SLC24A3: variants seen among roughly 807,000 people sequenced by gnomAD.
SLC24A3 encodes the protein sodium/potassium/calcium exchanger 3.
A neutral mutation model predicts 75.8 loss-of-function variants in SLC24A3; 28 were observed. The ratio of observed to expected loss-of-function variants is 0.37; its 90% CI spans 0.27 to 0.51. The LOEUF (loss-of-function observed/expected upper bound fraction) is 0.51, where lower values mean the gene tolerates loss of function less well. Among genes scored for constraint, SLC24A3 ranks in the 20% least tolerant of loss-of-function variants. The pLI is 0.94. For synonymous variants in SLC24A3, 372 were observed against 334.1 expected, an observed-to-expected ratio of 1.11 and a Z score of -1.24; for missense variants, 663 against 847.8, an observed-to-expected ratio of 0.78 and a Z score of 2.71.
Position 19,658,412 on chromosome 20 carries a change from A to C in SLC24A3, c.687+4276A>C, listed in dbSNP as rs551392605. Among the ~76,000 whole-genome samples, 12 of 152,336 alleles carry C rather than the reference A, an allele frequency of 7.9e-5. No homozygotes were observed. The East Asian group carries it at 2.3e-3, about 29-fold the overall frequency. ...GTGCATTCCGAAACCAACAGAGCTCAGAACAGTTCACTCGGACGGAGACGT... is the reference window on the plus strand; with the variant it reads ...GTGCATTCCGAAACCAACAGAGCTCCGAACAGTTCACTCGGACGGAGACGT... On this transcript the variant is annotated intron_variant, in intron 7 of 16. Transcript: ENST00000328041.
intron 6 of SLC24A3, among the ~76,000 whole-genome samples, chr20:19,612,933 C>T (rs964155677): frequency 3.3e-5 from 5 of 152,240 alleles, no homozygotes; most frequent in Non-Finnish European, 7.3e-5. Flanking sequence ...TCCAACCCTT[C>T]CTCAGGTCCC....
At chr20:19,408,748 A>G (rs1011518921) in intron 2 of SLC24A3, among the ~76,000 whole-genome samples, 4 of 152,136 alleles carry the variant, frequency 2.6e-5, no homozygotes, top group East Asian at 3.9e-4. Flanking sequence ...ATTTTTGTCT[A>G]TGTCATTAGG....
chr20:19,333,733 C>T (rs1042774247), intron 2 of SLC24A3, among the ~76,000 whole-genome samples: 2 of 151,490 alleles, frequency 1.3e-5, no homozygotes, highest in African/African-American at 2.4e-5. Context: ...TGACTGAACA[C>T]GGTAATTCTG....
intron 2 of SLC24A3, among the ~76,000 whole-genome samples, chr20:19,444,612 G>GT (rs1987349733): frequency 6.6e-6 from 1 of 151,622 alleles, no homozygotes; most frequent in African/African-American, 2.4e-5. Flanking sequence ...CTGGGTATAG[G>GT]TTGTCATAAT....
At chr20:19,359,301 T>C (rs1232709412) in intron 2 of SLC24A3, among the ~76,000 whole-genome samples, 3 of 152,250 alleles carry the variant, frequency 2.0e-5, no homozygotes, top group Non-Finnish European at 4.4e-5. Flanking sequence ...TTATGATTCC[T>C]CTGTTCCTAA....
intron 1 of SLC24A3, among the ~76,000 whole-genome samples, chr20:19,261,291 A>G (rs1982978006): frequency 6.6e-6 from 1 of 152,182 alleles, no homozygotes; most frequent in Non-Finnish European, 1.5e-5. Flanking sequence ...TGGACCCCCA[A>G]GAAGGGGGAT....
intron 2 of SLC24A3, among the ~76,000 whole-genome samples, chr20:19,465,722 A>G (rs1038778216): frequency 2.6e-5 from 4 of 152,164 alleles, no homozygotes; most frequent in African/African-American, 7.2e-5. Flanking sequence ...GAAAATGTAC[A>G]GGCAAAGTAG....
chr20:19,471,225 G>A (rs373165129), intron 2 of SLC24A3, among the ~76,000 whole-genome samples: 29 of 152,296 alleles, frequency 1.9e-4, no homozygotes, highest in African/African-American at 6.0e-4. Flanking sequence ...AGTGTTTGGC[G>A]TTGCTGTGCA....
At chr20:19,354,352 G>T (rs574666231) in intron 2 of SLC24A3, among the ~76,000 whole-genome samples, 13 of 152,282 alleles carry the variant, frequency 8.5e-5, no homozygotes, top group African/African-American at 2.9e-4. Context: ...AAATGCAAAC[G>T]AGGCAATAGG....
chr20:19,300,877 G>T (rs1984179087), intron 2 of SLC24A3, among the ~76,000 whole-genome samples: 1 of 152,278 alleles, frequency 6.6e-6, no homozygotes, highest in South Asian at 2.1e-4. Context: ...GCTGCGAGAA[G>T]TGGGGGTGGC....
At chr20:19,573,697 C>A (rs1394306236) in intron 3 of SLC24A3, among the ~76,000 whole-genome samples, 2 of 152,178 alleles carry the variant, frequency 1.3e-5, no homozygotes, top group Non-Finnish European at 1.5e-5. Context: ...ATGGCTGCTG[C>A]CATTCCAGAC....
At chr20:19,522,655 AG>A (rs111340791) in intron 3 of SLC24A3, among the ~76,000 whole-genome samples, 75 of 152,354 alleles carry the variant, frequency 4.9e-4, no homozygotes, top group African/African-American at 1.8e-3. Flanking sequence ...CTCCTGTCAC[AG>A]GGCCAGAGCC....
intron 2 of SLC24A3, among the ~76,000 whole-genome samples, chr20:19,318,579 G>A (rs550962392): frequency 6.6e-6 from 1 of 152,278 alleles, no homozygotes; most frequent in South Asian, 2.1e-4. Context: ...ATGAAATCAA[G>A]AGTGGGAGAC....
At chr20:19,556,526 A>G (rs1475613191) in intron 3 of SLC24A3, among the ~76,000 whole-genome samples, 4 of 150,782 alleles carry the variant, frequency 2.7e-5, no homozygotes, top group African/African-American at 9.7e-5. Context: ...TGAGAAAAAG[A>G]TGTTGTTTTT....
chr20:19,587,335 C>T (rs16990398), intron 6 of SLC24A3, among the ~76,000 whole-genome samples: 6,204 of 152,234 alleles, frequency 0.041, 168 homozygotes, highest in South Asian at 0.093. Flanking sequence ...ATTAGTAACG[C>T]GGTTCATCCC....
intron 2 of SLC24A3, among the ~76,000 whole-genome samples, chr20:19,358,319 G>A (rs887235985): frequency 2.6e-5 from 4 of 152,096 alleles, no homozygotes; most frequent in Admixed American, 1.3e-4. Context: ...ATCCACCCGC[G>A]CCACATCTGG....
intron 1 of SLC24A3, chr20:19,257,823 C>A (rs1253999972): frequency 6.6e-6 from 1 of 152,186 alleles, no homozygotes; most frequent in Admixed American, 6.5e-5. Flanking sequence ...TCTACTGCTT[C>A]TTTTGATTTT....
intron 2 of SLC24A3, among the ~76,000 whole-genome samples, chr20:19,494,018 C>T (rs534655179): frequency 1.3e-5 from 2 of 152,302 alleles, no homozygotes; most frequent in African/African-American, 2.4e-5. Flanking sequence ...ATGCTCCTTC[C>T]GGGCGGCTCC....
At chr20:19,314,940 G>A (rs554097858) in intron 2 of SLC24A3, among the ~76,000 whole-genome samples, 1 of 152,262 alleles carries the variant, frequency 6.6e-6, no homozygotes, top group Non-Finnish European at 1.5e-5. Flanking sequence ...CCTGTCATCT[G>A]ACATCATTAA....
Sources: gnomAD v4.1 joint callset for allele counts (sites outside exome capture counted in the v4.1 genomes callset) on GRCh38, gnomAD v4.1.1 for gene constraint, MANE v1.5 for transcripts, NCBI Gene and HGNC (gene_info 2026-07-23, HGNC 2026-07-21) for gene names.